Variants in CRADD observed in about 807,000 individuals in gnomAD.
The protein encoded by CRADD is death domain-containing protein CRADD.
A neutral mutation model predicts 15.5 loss-of-function variants in CRADD; 9 were observed. The ratio of observed to expected loss-of-function variants is 0.58; its 90% CI spans 0.35 to 1.01. The LOEUF is 1.01. Among genes scored for constraint, CRADD ranks in the 50% least tolerant of loss-of-function variants. The pLI is 0.02. For missense variants in CRADD, 227 were observed against 250.3 expected, an observed-to-expected ratio of 0.91 and a Z score of 0.63; for synonymous variants, 118 against 107.6, an observed-to-expected ratio of 1.10 and a Z score of -0.60.
At chr12:93,812,782 A>T (rs543308311) in intron 2 of CRADD, among the ~76,000 whole-genome samples, 1 of 152,368 alleles carries the variant, frequency 6.6e-6, no homozygotes, top group South Asian at 2.1e-4. Flanking sequence ...TGGCTCAGGC[A>T]TGAGATTTAT....
chr12:93,755,165 C>A (rs1438186582), intron 2 of CRADD, among the ~76,000 whole-genome samples: 1 of 152,084 alleles, frequency 6.6e-6, no homozygotes, highest in Non-Finnish European at 1.5e-5. Flanking sequence ...TGGGAAAAAC[C>A]CTTCCCTATG....
intron 2 of CRADD, among the ~76,000 whole-genome samples, chr12:93,805,214 T>A (rs1465203775): frequency 2.0e-5 from 3 of 152,030 alleles, no homozygotes; most frequent in Non-Finnish European, 2.9e-5. Flanking sequence ...TCTCTCTTAC[T>A]CTACATGGAA....
intron 2 of CRADD, among the ~76,000 whole-genome samples, chr12:93,749,141 A>G (rs1956802469): frequency 6.6e-6 from 1 of 152,302 alleles, no homozygotes; most frequent in Middle Eastern, 3.4e-3. Context: ...GAATAGCAAG[A>G]TGAGGGTGGA....
At chr12:93,728,914 AG>A (rs1328594210) in intron 2 of CRADD, among the ~76,000 whole-genome samples, 1 of 152,224 alleles carries the variant, frequency 6.6e-6, no homozygotes, top group Non-Finnish European at 1.5e-5. Context: ...TAGCTACAAC[AG>A]GAAGTCTAGA....
At chr12:93,718,052 C>G (rs536034962) in intron 2 of CRADD, among the ~76,000 whole-genome samples, 2 of 152,036 alleles carry the variant, frequency 1.3e-5, no homozygotes, top group East Asian at 3.9e-4. Context: ...GTTCTTCTAC[C>G]GATATCACAC....
At chr12:93,691,255 C>CTTT (rs66640128) in intron 2 of CRADD, among the ~76,000 whole-genome samples, 1 of 141,526 alleles carries the variant, frequency 7.1e-6, no homozygotes. Flanking sequence ...CTTTTGTTTT[C>CTTT]TTTTTTTTTT....
intron 2 of CRADD, among the ~76,000 whole-genome samples, chr12:93,809,097 G>A (rs1957589325): frequency 7.0e-6 from 1 of 143,488 alleles, no homozygotes; most frequent in Non-Finnish European, 1.5e-5. Context: ...TATTTTTAAT[G>A]GAAACAGAGT....
intron 2 of CRADD, among the ~76,000 whole-genome samples, chr12:93,807,221 T>A (rs1298384631): frequency 6.6e-6 from 1 of 152,182 alleles, no homozygotes; most frequent in Non-Finnish European, 1.5e-5. Context: ...CTGTCCCTGC[T>A]CTAGTACCTT....
At chr12:93,695,685 C>CG (rs1565875071) in intron 2 of CRADD, among the ~76,000 whole-genome samples, 1 of 152,120 alleles carries the variant, frequency 6.6e-6, no homozygotes, top group African/African-American at 2.4e-5. Flanking sequence ...GGTGGCTTGT[C>CG]TGAGGTCAAG....
chr12:93,790,230 A>G (rs778444133), intron 2 of CRADD, among the ~76,000 whole-genome samples: 4 of 152,100 alleles, frequency 2.6e-5, no homozygotes, highest in Non-Finnish European at 4.4e-5. Flanking sequence ...ATACATTATC[A>G]TTTCTAATAA....
At chr12:93,770,478 G>A (rs1313458657) in intron 2 of CRADD, among the ~76,000 whole-genome samples, 7 of 152,116 alleles carry the variant, frequency 4.6e-5, no homozygotes, top group African/African-American at 1.4e-4. Context: ...TAATTTTTGT[G>A]TATGTTGAAA....
rs1955212299 is a variant in CRADD, at chr12:93,678,689, G to A, written c.-6-80G>A. On this transcript the variant is annotated intron_variant, in intron 1 of 2. Transcript: ENST00000332896. ...GTTTAAAGATGTGCTTGACCTGAAG[G>A]AACTTACATTGCAGTGACACTGTCT... 36 of 1,459,960 alleles carry A rather than the reference G, an allele frequency of 2.5e-5. No individual in the cohort carries two copies. The South Asian group carries it at 4.2e-4, about 17-fold the overall frequency. The allele number at this position is 1,459,960 out of a possible 1,614,324, so 90.4% of individuals were successfully genotyped here.
chr12:93,763,419 T>G (rs982829879), intron 2 of CRADD, among the ~76,000 whole-genome samples: 1 of 151,728 alleles, frequency 6.6e-6, no homozygotes, highest in Non-Finnish European at 1.5e-5. Context: ...CAGCTCAGTT[T>G]CAGGGGGCTG....
At chr12:93,705,468 G>A (rs538512089) in intron 2 of CRADD, among the ~76,000 whole-genome samples, 1 of 152,304 alleles carries the variant, frequency 6.6e-6, no homozygotes, top group South Asian at 2.1e-4. Flanking sequence ...GAACACATTA[G>A]ACAGATGACC....
At chr12:93,774,800 T>C (rs192899884) in intron 2 of CRADD, among the ~76,000 whole-genome samples, 15 of 152,306 alleles carry the variant, frequency 9.8e-5, no homozygotes, top group Admixed American at 8.5e-4. Flanking sequence ...ATGGATGCAA[T>C]GATGAGCAAG....
chr12:93,719,006 T>C (rs1956213223), intron 2 of CRADD, among the ~76,000 whole-genome samples: 1 of 152,140 alleles, frequency 6.6e-6, no homozygotes, highest in Non-Finnish European at 1.5e-5. Context: ...GCAATCTTCT[T>C]GCCTCAGCCT....
At chr12:93,717,048 A>G (rs1323587644) in intron 2 of CRADD, among the ~76,000 whole-genome samples, 1 of 152,206 alleles carries the variant, frequency 6.6e-6, no homozygotes, top group Non-Finnish European at 1.5e-5. Flanking sequence ...TGGTGTTGTC[A>G]GAGTTTTGGA....
chr12:93,856,681 G>A (rs1460535769), intron 2 of CRADD, among the ~76,000 whole-genome samples: 1 of 152,208 alleles, frequency 6.6e-6, no homozygotes, highest in Non-Finnish European at 1.5e-5. Context: ...TGATCTCAGA[G>A]CAATTTAGAA....
At chr12:93,756,252 G>C (rs369288326) in intron 2 of CRADD, among the ~76,000 whole-genome samples, 1 of 152,182 alleles carries the variant, frequency 6.6e-6, no homozygotes, top group East Asian at 1.9e-4. Flanking sequence ...TATCTGAAAT[G>C]TGTGTTACAG....
Sources: gnomAD v4.1 joint callset for allele counts (sites outside exome capture counted in the v4.1 genomes callset) on GRCh38, gnomAD v4.1.1 for gene constraint, MANE v1.5 for transcripts, NCBI Gene and HGNC (gene_info 2026-07-23, HGNC 2026-07-21) for gene names.